Variants in EVI5 observed in about 807,000 individuals in gnomAD.
EVI5 encodes the protein ecotropic viral integration site 5.
Under a neutral mutation model 112.0 loss-of-function variants are expected in EVI5, and 73 were observed. The ratio of observed to expected loss-of-function variants is 0.65; its 90% CI spans 0.54 to 0.79. EVI5 has a LOEUF of 0.79. Ranked by LOEUF, EVI5 falls within the 30% of genes least tolerant of loss-of-function variation. The probability of loss-of-function intolerance (pLI) is 0.00; values close to 1 mark genes in which losing one functional copy is unlikely to be tolerated. For missense variants in EVI5, 900 were observed against 968.8 expected, an observed-to-expected ratio of 0.93 and a Z score of 0.94; for synonymous variants, 305 against 319.9, an observed-to-expected ratio of 0.95 and a Z score of 0.50.
chr1:92,664,575 A>T (rs1366599628), intron 11 of EVI5, among the ~76,000 whole-genome samples: 3 of 151,762 alleles, frequency 2.0e-5, no homozygotes, highest in Non-Finnish European at 4.4e-5. Context: ...ACAACTTAAA[A>T]GCAAGCTCAA....
intron 16 of EVI5, among the ~76,000 whole-genome samples, chr1:92,622,940 C>T (rs1377523416): frequency 6.6e-6 from 1 of 152,100 alleles, no homozygotes; most frequent in Admixed American, 6.5e-5. Context: ...CTATGCATAC[C>T]TGATTTCTCA....
At chr1:92,693,557 A>G (rs1197152692) in intron 9 of EVI5, among the ~76,000 whole-genome samples, 1 of 152,024 alleles carries the variant, frequency 6.6e-6, no homozygotes, top group Non-Finnish European at 1.5e-5. Flanking sequence ...ATCCTCATAT[A>G]TGTATATCCA....
rs756121231 is a variant in EVI5, at chr1:92,649,483, G to C, written c.1393-13147C>G. Among the ~76,000 whole-genome samples, 11 of 152,248 alleles carry C rather than the reference G, an allele frequency of 7.2e-5. No homozygotes were observed. The South Asian group carries it at 1.2e-3, about 17-fold the overall frequency. On this transcript the variant is annotated intron_variant, in intron 13 of 19. Coordinates refer to ENST00000684568, the MANE Select transcript of EVI5 (RefSeq NM_001350197.2). ...GATTTATCTCTATGTATTCTTCTCA[G>C]GGTTTTATGGCTTTAAAAACATAAA...
At chr1:92,598,748 TGTC>T (rs1463931009) in intron 18 of EVI5, among the ~76,000 whole-genome samples, 7 of 152,140 alleles carry the variant, frequency 4.6e-5, no homozygotes, top group Non-Finnish European at 7.4e-5. Flanking sequence ...AATAAATAAT[TGTC>T]ATTCATTTAG....
At chr1:92,735,790 G>T (rs1677314037) in intron 2 of EVI5, among the ~76,000 whole-genome samples, 1 of 138,930 alleles carries the variant, frequency 7.2e-6, no homozygotes, top group African/African-American at 2.6e-5. Context: ...ATATTATAAA[G>T]TATATTATAT....
chr1:92,611,361 T>C (rs893455256), intron 16 of EVI5, among the ~76,000 whole-genome samples: 1 of 151,954 alleles, frequency 6.6e-6, no homozygotes, highest in Admixed American at 6.6e-5. Context: ...CCTATAGTAG[T>C]ATACTGAGCT....
At chr1:92,757,216 T>C (rs978839610) in intron 1 of EVI5, among the ~76,000 whole-genome samples, 2 of 152,198 alleles carry the variant, frequency 1.3e-5, no homozygotes, top group Admixed American at 6.5e-5. Context: ...TCCTGGCTAA[T>C]AGTTCAAATA....
intron 1 of EVI5, among the ~76,000 whole-genome samples, chr1:92,792,029 A>G (rs1250609008): frequency 6.6e-6 from 1 of 152,250 alleles, no homozygotes; most frequent in Non-Finnish European, 1.5e-5. Flanking sequence ...AAAGAAACGT[A>G]AACAGCAGCC....
intron 2 of EVI5, among the ~76,000 whole-genome samples, chr1:92,730,567 A>G (rs1485306946): frequency 6.7e-6 from 1 of 150,078 alleles, no homozygotes; most frequent in South Asian, 2.1e-4. Flanking sequence ...ATGTAATTCT[A>G]GCTACTCAGG....
chr1:92,527,429 A>AAAAGAAAAAAAAAAAAAAAAAAAAG (rs1553169689), intron 19 of EVI5, among the ~76,000 whole-genome samples: 1 of 134,766 alleles, frequency 7.4e-6, no homozygotes, highest in Admixed American at 7.8e-5. Flanking sequence ...AAAAAAAAAA[A>AAAAGAAAAAAAAAAAAAAAAAAAAG]AAAAGAAAAA....
At chr1:92,595,213 T>C (rs1405677452) in intron 18 of EVI5, among the ~76,000 whole-genome samples, 16 of 151,796 alleles carry the variant, frequency 1.1e-4, no homozygotes, top group Admixed American at 3.9e-4. Flanking sequence ...GGCACATATA[T>C]ACCATGGAAT....
intron 18 of EVI5, among the ~76,000 whole-genome samples, chr1:92,585,049 C>A (rs1045489634): frequency 1.4e-4 from 22 of 151,928 alleles, no homozygotes; most frequent in Non-Finnish European, 2.6e-4. Flanking sequence ...CGTGGTGAAA[C>A]CCCATCTCTA....
chr1:92,531,470 T>A (rs1458432467), intron 19 of EVI5, among the ~76,000 whole-genome samples: 2 of 151,850 alleles, frequency 1.3e-5, no homozygotes, highest in African/African-American at 4.8e-5. Context: ...AAGATCAACC[T>A]CAAGACACAT....
intron 1 of EVI5, among the ~76,000 whole-genome samples, chr1:92,761,500 T>C (rs571854584): frequency 1.3e-5 from 2 of 152,354 alleles, no homozygotes; most frequent in East Asian, 1.9e-4. Context: ...TAAAAGGTCA[T>C]TAATTTGTAT....
At chr1:92,766,243 T>G (rs1203196557) in intron 1 of EVI5, among the ~76,000 whole-genome samples, 1 of 151,690 alleles carries the variant, frequency 6.6e-6, no homozygotes, top group African/African-American at 2.4e-5. Context: ...AGTGAGGAGC[T>G]AAGCCTATTC....
chr1:92,569,199 C>T (rs543635707), intron 18 of EVI5, among the ~76,000 whole-genome samples: 10 of 152,214 alleles, frequency 6.6e-5, no homozygotes, highest in South Asian at 2.1e-4. Context: ...GATGAGGAAA[C>T]GTAAATGAAA....
At chr1:92,618,003 TC>T (rs912779986) in intron 16 of EVI5, among the ~76,000 whole-genome samples, 16 of 152,312 alleles carry the variant, frequency 1.1e-4, no homozygotes, top group African/African-American at 3.8e-4. Flanking sequence ...CTTACCATGT[TC>T]CCCATCATCC....
chr1:92,693,989 T>G, intron 8 of EVI5, 90 bp from the exon 9 acceptor site: 1 of 819,788 alleles, frequency 1.2e-6, no homozygotes, highest in Non-Finnish European at 2.0e-6. Flanking sequence ...GGGCTGGGCG[T>G]GGTGGCTCAT....
intron 18 of EVI5, among the ~76,000 whole-genome samples, chr1:92,600,839 G>T (rs1001443765): frequency 1.1e-4 from 16 of 152,312 alleles, no homozygotes; most frequent in African/African-American, 3.8e-4. Flanking sequence ...TGGCCTGGGG[G>T]TTGGGAAACC....
Sources: allele counts gnomAD v4.1 joint callset (sites outside exome capture counted in the v4.1 genomes callset), GRCh38; gene constraint gnomAD v4.1.1; transcripts MANE v1.5; gene names NCBI Gene and HGNC (gene_info 2026-07-23, HGNC 2026-07-21).